RBFOX1: variants seen among roughly 807,000 people sequenced by gnomAD.
The protein encoded by RBFOX1 is RNA binding protein fox-1 homolog 1.
A neutral mutation model predicts 57.7 loss-of-function variants in RBFOX1; 8 were observed. The observed-to-expected ratio is 0.14, with a 90% CI of 0.08 to 0.25. RBFOX1 has a LOEUF of 0.25. Ranked by LOEUF, RBFOX1 falls within the 10% of genes least tolerant of loss-of-function variation. RBFOX1 has a pLI of 1.00. For synonymous variants in RBFOX1, 326 were observed against 222.4 expected (o/e 1.47, Z -4.15); for missense variants, 611 against 548.5 (o/e 1.11, Z -1.14).
At chr16:6,555,907 G>A (rs1211247537) in intron 2 of RBFOX1, among the ~76,000 whole-genome samples, 1 of 152,142 alleles carries the variant, frequency 6.6e-6, no homozygotes. Context: ...CTGCATAAGG[G>A]ATGGGGATCA....
At chr16:5,307,287 G>A (rs894769191) in intron 1 of RBFOX1, among the ~76,000 whole-genome samples, 1 of 152,112 alleles carries the variant, frequency 6.6e-6, no homozygotes, top group Non-Finnish European at 1.5e-5. Flanking sequence ...TGGCACTCAG[G>A]TGTGCAAACC....
intron 2 of RBFOX1, among the ~76,000 whole-genome samples, chr16:6,510,211 T>G (rs1598525884): frequency 6.6e-6 from 1 of 152,180 alleles, no homozygotes; most frequent in Admixed American, 6.5e-5. Context: ...TATTAGCCCC[T>G]TTGTCTCATG....
intron 3 of RBFOX1, among the ~76,000 whole-genome samples, chr16:5,775,841 A>G (rs373101095): frequency 7.8e-4 from 119 of 152,348 alleles, no homozygotes; most frequent in South Asian, 5.2e-3. Flanking sequence ...ATGAAGATGC[A>G]GGCGTCCATG....
intron 4 of RBFOX1, 74 bp downstream of exon 4, chr16:7,052,172 C>A: frequency 6.5e-7 from 1 of 1,549,238 alleles, no homozygotes; most frequent in Non-Finnish European, 8.7e-7. Flanking sequence ...CTTGTCTCTC[C>A]CAAGACACGG....
chr16:5,329,670 C>T (rs974705785), intron 1 of RBFOX1, among the ~76,000 whole-genome samples: 1 of 152,174 alleles, frequency 6.6e-6, no homozygotes, highest in Non-Finnish European at 1.5e-5. Flanking sequence ...AATAGAAATT[C>T]ATTTCTCAGT....
chr16:6,136,337 C>A (rs754094781), intron 1 of RBFOX1, among the ~76,000 whole-genome samples: 9 of 152,064 alleles, frequency 5.9e-5, no homozygotes, highest in Non-Finnish European at 1.2e-4. Flanking sequence ...CCCAAGGCAC[C>A]CTGTAATCGC....
At chr16:5,548,172 AAAAT>A (rs1439066432) in intron 2 of RBFOX1, among the ~76,000 whole-genome samples, 167 of 28,256 alleles carry the variant, frequency 5.9e-3, no homozygotes, top group South Asian at 0.018. Context: ...AAAAAAAAAA[AAAAT>A]ATATATATAT....
chr16:5,454,980 T>C (rs989398380), intron 1 of RBFOX1, among the ~76,000 whole-genome samples: 13 of 95,672 alleles, frequency 1.4e-4, no homozygotes, highest in African/African-American at 4.8e-4. Context: ...TCTTTCTTTC[T>C]TTCTTTCTTT....
intron 1 of RBFOX1, among the ~76,000 whole-genome samples, chr16:6,289,354 G>C (rs1021006983): frequency 6.6e-6 from 1 of 152,164 alleles, no homozygotes; most frequent in Non-Finnish European, 1.5e-5. Flanking sequence ...GTGATGCAAA[G>C]TATAATGCCC....
At chr16:5,386,278 G>A (rs981577127) in intron 1 of RBFOX1, among the ~76,000 whole-genome samples, 4 of 151,982 alleles carry the variant, frequency 2.6e-5, no homozygotes, top group African/African-American at 9.7e-5. Flanking sequence ...GATAGAGCTG[G>A]GACTGGGCTT....
At chr16:7,035,195 T>G (rs1446557408) in intron 3 of RBFOX1, among the ~76,000 whole-genome samples, 1 of 151,956 alleles carries the variant, frequency 6.6e-6, no homozygotes, top group African/African-American at 2.4e-5. Flanking sequence ...GCCAACGCTG[T>G]TGGTCCTCAG....
At chr16:6,690,003 G>C (rs893439527) in intron 3 of RBFOX1, among the ~76,000 whole-genome samples, 1 of 152,186 alleles carries the variant, frequency 6.6e-6, no homozygotes, top group African/African-American at 2.4e-5. Context: ...TTTGGGTATT[G>C]ATGATAAACA....
chr16:5,662,360 C>T (rs1370917225), intron 3 of RBFOX1, among the ~76,000 whole-genome samples: 1 of 152,148 alleles, frequency 6.6e-6, no homozygotes, highest in Non-Finnish European at 1.5e-5. Flanking sequence ...AAAATGAGAA[C>T]TTTCTAAAAT....
In RBFOX1 at chr16:5,398,346, T is replaced by C. The variant is rs577377400; in HGVS notation, c.220-68870T>C. Among the ~76,000 whole-genome samples, 6 of 152,016 alleles carry C rather than the reference T, an allele frequency of 3.9e-5. No homozygotes were observed. In the South Asian group the frequency reaches 1.2e-3, roughly 32 times the overall value. ...GTGCATATGTGTTCATGTGTGCAGG[T>C]GTTTGAGCACCTGTTTTAGTGTGCA... On this transcript the variant is annotated intron_variant, in intron 1 of 2. Transcript: ENST00000585867.
At chr16:7,608,046 A>ATGTC (rs2056694118) in intron 10 of RBFOX1, among the ~76,000 whole-genome samples, 1 of 152,168 alleles carries the variant, frequency 6.6e-6, no homozygotes, top group Non-Finnish European at 1.5e-5. Flanking sequence ...TACTGCCTGT[A>ATGTC]TGTCTCCTTG....
intron 2 of RBFOX1, among the ~76,000 whole-genome samples, chr16:6,559,338 A>G (rs1045707489): frequency 1.4e-5 from 2 of 143,496 alleles, no homozygotes; most frequent in African/African-American, 5.4e-5. Context: ...ATGTATATGT[A>G]TGTGTGTATA....
At chr16:6,965,350 T>A (rs1369346546) in intron 3 of RBFOX1, among the ~76,000 whole-genome samples, 1 of 138,510 alleles carries the variant, frequency 7.2e-6, no homozygotes, top group Non-Finnish European at 1.6e-5. Flanking sequence ...TGTGTGTGTG[T>A]GTGTGTGTGT....
At chr16:5,644,711 A>G (rs779364476) in intron 3 of RBFOX1, among the ~76,000 whole-genome samples, 1 of 152,220 alleles carries the variant, frequency 6.6e-6, no homozygotes, top group African/African-American at 2.4e-5. Flanking sequence ...AACTGAGATC[A>G]TGTCCACAAA....
intron 4 of RBFOX1, among the ~76,000 whole-genome samples, chr16:5,876,559 C>T (rs986873232): frequency 6.6e-6 from 1 of 152,204 alleles, no homozygotes; most frequent in Non-Finnish European, 1.5e-5. Flanking sequence ...ATTATCTCAT[C>T]TTCCAAGGCT....
Sources: allele counts gnomAD v4.1 joint callset (sites outside exome capture counted in the v4.1 genomes callset), GRCh38; gene constraint gnomAD v4.1.1; transcripts MANE v1.5; gene names NCBI Gene and HGNC (gene_info 2026-07-23, HGNC 2026-07-21).